Variants in CACNB3 observed in about 807,000 individuals in gnomAD.
The protein encoded by CACNB3 is voltage-dependent L-type calcium channel subunit beta-3.
In CACNB3, 36 loss-of-function variants were observed where a neutral mutation model predicts 63.7. The observed-to-expected ratio is 0.57, with a 90% CI of 0.43 to 0.75. The LOEUF (loss-of-function observed/expected upper bound fraction) is 0.75, where lower values mean the gene tolerates loss of function less well. Among genes scored for constraint, CACNB3 ranks in the 30% least tolerant of loss-of-function variants. The probability of loss-of-function intolerance (pLI) is 0.00; values close to 1 mark genes in which losing one functional copy is unlikely to be tolerated. For missense variants in CACNB3, 493 were observed against 648.6 expected (o/e 0.76, Z 2.61); for synonymous variants, 241 against 250.6 (o/e 0.96, Z 0.36).
intron 4 of CACNB3, 44 bp downstream of exon 4, chr12:48,824,417 G>T: frequency 2.0e-6 from 3 of 1,506,318 alleles, no homozygotes; most frequent in Non-Finnish European, 2.7e-6. Flanking sequence ...CCAAACACTT[G>T]CACTGTACCC....
Position 48,828,825 on chromosome 12 carries a change from G to C in CACNB3, c.*926G>C, listed in dbSNP as rs1045356. 4.4e-5 allele frequency: 20 copies of C among 454,228 alleles called. No individual in the cohort carries two copies. The East Asian group carries it at 1.4e-3, about 32-fold the overall frequency. The allele number at this position is 454,228 out of a possible 1,614,324, so 28.1% of individuals were successfully genotyped here. On this transcript the variant is annotated 3_prime_UTR_variant, in exon 13 of 13. Transcript: ENST00000301050. The stretch of plus-strand genomic sequence containing the variant: ...GTTAGATGGGGAGAGACAGGGCACA[G>C]AGGACCTGTCTCCCCGGCTACTCTT...
Position 48,826,921 on chromosome 12 carries a change from G to C in CACNB3, c.991-53G>C. Reference sequence around the variant, plus strand: ...GGCTGCGGCAGTGATAGAGATGGGTGGGGGGCTGCTACTGAGGGGAAACCA... The same window carrying C: ...GGCTGCGGCAGTGATAGAGATGGGTCGGGGGCTGCTACTGAGGGGAAACCA... On this transcript the variant is annotated intron_variant, in intron 11 of 12. Transcript: ENST00000301050. This position sits in a 1 kb window ranked among gnomAD's most constrained non-coding sequence, Gnocchi z 4.8. 1 of 1,612,672 alleles carries C rather than the reference G, an allele frequency of 6.2e-7. No individual in the cohort carries two copies. Among genetic ancestry groups the C allele is most frequent in the Non-Finnish European group, 8.5e-7 (1 of 1,179,016 alleles).
chr12:48,824,208 T>G, intron 3 of CACNB3, 50 bp from the exon 4 acceptor site: 1 of 1,456,584 alleles, frequency 6.9e-7, no homozygotes, highest in South Asian at 1.2e-5. Flanking sequence ...GAGCCAGGAC[T>G]GGGGCGGGGC....
chr12:48,826,352 T>C lies in CACNB3; in HGVS notation c.743-15T>C. ...CAGAGCTCCTGGTGAGCACTGCTGC[T>C]GCCTCCCTCCATAGCGGAAGTGCAG... On this transcript the variant is annotated splice_polypyrimidine_tract_variant and intron_variant, in intron 9 of 12. Coordinates refer to ENST00000301050, the MANE Select transcript of CACNB3 (RefSeq NM_000725.4). This position sits in a 1 kb window ranked among gnomAD's most constrained non-coding sequence, Gnocchi z 4.8. 1.2e-6 allele frequency: 2 copies of C among 1,613,984 alleles called. No individual in the cohort carries two copies. Among genetic ancestry groups the C allele is most frequent in the Non-Finnish European group, 1.7e-6 (2 of 1,179,890 alleles).
chr12:48,815,876 G>T (rs1355812228), upstream of CACNB3: 1 of 680,488 alleles, frequency 1.5e-6, no homozygotes, highest in Non-Finnish European at 2.6e-6. Flanking sequence ...GAGGCCAGGG[G>T]TGGAAGAGGC....
At position 48,818,720 on chromosome 12, in the gene CACNB3, G is replaced by C. The variant is rs570220027; in HGVS notation, c.-210G>C. On this transcript the variant is annotated 5_prime_UTR_variant, in exon 1 of 13. Coordinates refer to ENST00000301050, the MANE Select transcript of CACNB3 (RefSeq NM_000725.4). This position sits in a 1 kb window ranked among gnomAD's most constrained non-coding sequence, Gnocchi z 4.3. ...GCTCGGGGTGGGACCGGCTGGGTTT[G>C]GGGGGGTGGGGTGGGGGGAGCGGTG... The C allele has an allele frequency of 4.3e-4, 541 of 1,271,700 alleles. No homozygotes were observed. The Middle Eastern group carries it at 4.3e-3, about 10-fold the overall frequency. The allele number at this position is 1,271,700 out of a possible 1,614,324, so 78.8% of individuals were successfully genotyped here.
At chr12:48,819,726 G>A (rs746957044) in intron 1 of CACNB3, 2 of 449,462 alleles carry the variant, frequency 4.4e-6, no homozygotes, top group South Asian at 3.1e-5. Flanking sequence ...CTGAGGGCCT[G>A]GGGATGGAGA....
At chr12:48,815,687 ATG>A (rs376343122), upstream of CACNB3, 1,284 of 1,368,000 alleles carry the variant, frequency 9.4e-4, 9 homozygotes, top group African/African-American at 0.019. Context: ...AGCCTGGTCT[ATG>A]TCTTTTTCTG....
upstream of CACNB3, among the ~76,000 whole-genome samples, chr12:48,817,682 A>G (rs1171626093): frequency 1.3e-5 from 2 of 152,148 alleles, no homozygotes; most frequent in Non-Finnish European, 2.9e-5. Context: ...GAGTGGTACA[A>G]GCCCTTCTGC....
chr12:48,814,818 C>A, upstream of CACNB3: 1 of 381,048 alleles, frequency 2.6e-6, no homozygotes, highest in South Asian at 1.0e-4. This position sits in a 1 kb window ranked among gnomAD's most constrained non-coding sequence, Gnocchi z 6.9. Context: ...CAGGCGGTGC[C>A]GCCACCTGGA....
Position 48,823,549 on chromosome 12 carries a change from G to A in CACNB3, c.168+83G>A, listed in dbSNP as rs1185324720. ...CGGTCCTAAGTCCCAAGGGGTCCTT[G>A]GGCAGGATGTCCTTGAGTGTGAGAG... On this transcript the variant is annotated intron_variant, in intron 2 of 12. Coordinates refer to ENST00000301050, the MANE Select transcript of CACNB3 (RefSeq NM_000725.4). The surrounding 1 kb of genome is among the most constrained non-coding windows in gnomAD (Gnocchi z 4.2). 2.5e-6 allele frequency: 4 copies of A among 1,595,000 alleles called. No individual in the cohort carries two copies. The highest frequency in any genetic ancestry group is 8.5e-7 in the Non-Finnish European group (1 of 1,169,824).
In CACNB3 at chr12:48,825,374, T is replaced by C. The variant is rs527666543; in HGVS notation, c.574-60T>C. The C allele has an allele frequency of 8.5e-5, 136 of 1,598,662 alleles. No individual in the cohort carries two copies. The East Asian group carries it at 2.3e-3, about 27-fold the overall frequency. ...GTGGAGCGCATTGACTCTGGGGCCATGCATGGGGAGGCTGCTTCTCTCCAA... is the reference window on the plus strand; with the variant it reads ...GTGGAGCGCATTGACTCTGGGGCCACGCATGGGGAGGCTGCTTCTCTCCAA... On this transcript the variant is annotated intron_variant, in intron 7 of 12. Coordinates refer to ENST00000301050, the MANE Select transcript of CACNB3 (RefSeq NM_000725.4). This position sits in a 1 kb window ranked among gnomAD's most constrained non-coding sequence, Gnocchi z 4.5.
chr12:48,824,989 G>C, intron 6 of CACNB3, 21 bp downstream of exon 6: 1 of 1,609,012 alleles, frequency 6.2e-7, no homozygotes, highest in Non-Finnish European at 8.5e-7. Context: ...GAAGGGACCT[G>C]GGCTGGGGGG....
At position 48,826,906 on chromosome 12, in the gene CACNB3, G is replaced by C; in HGVS notation, c.990+52G>C. On this transcript the variant is annotated intron_variant, in intron 11 of 12. Transcript: ENST00000301050. The surrounding 1 kb of genome is among the most constrained non-coding windows in gnomAD (Gnocchi z 4.8). The stretch of plus-strand genomic sequence containing the variant: ...TGCCCACTCCCCCAGGGCTGCGGCA[G>C]TGATAGAGATGGGTGGGGGGCTGCT... 6.2e-7 allele frequency: 1 copy of C among 1,613,140 alleles called. No individual in the cohort carries two copies. Among genetic ancestry groups the C allele is most frequent in the East Asian group, 2.2e-5 (1 of 44,872 alleles).
In CACNB3 at chr12:48,828,400, ACAAT is replaced by A. The variant is rs766812342; in HGVS notation, c.*505_*508del. ...CTCACTGCCATACATTAGAAATGAG[ACAAT>A]CAAAGCCCCCCCAGGGTGGCACACC... On this transcript the variant is annotated 3_prime_UTR_variant, in exon 13 of 13. Transcript: ENST00000301050. 3.7e-4 allele frequency: 122 copies of A among 329,556 alleles called. No individual in the cohort carries two copies. The highest frequency in any genetic ancestry group is 1.1e-3 in the Middle Eastern group (1 of 904). 20.4% of individuals were successfully genotyped at this position (329,556 alleles called of 1,614,324 possible). A position where few individuals can be genotyped will look rare whatever the true frequency, so the allele number is the denominator to read the frequency against.
Position 48,825,350 on chromosome 12 carries a change from T to C in CACNB3, c.574-84T>C. On this transcript the variant is annotated intron_variant, in intron 7 of 12. Transcript: ENST00000301050. This position sits in a 1 kb window ranked among gnomAD's most constrained non-coding sequence, Gnocchi z 4.5. ...GTCTCCTCCGTCCAGGGTGTGTATG[T>C]GGAGCGCATTGACTCTGGGGCCATG... 6.4e-7 allele frequency: 1 copy of C among 1,568,874 alleles called. No homozygotes were observed. Among genetic ancestry groups the C allele is most frequent in the East Asian group, 2.2e-5 (1 of 44,598 alleles).
In CACNB3 at chr12:48,825,405, C is replaced by G; in HGVS notation, c.574-29C>G. The G allele has an allele frequency of 8.7e-6, 14 of 1,613,222 alleles. No individual in the cohort carries two copies. The highest frequency in any genetic ancestry group is 1.2e-5 in the Non-Finnish European group (14 of 1,179,152). On this transcript the variant is annotated intron_variant, in intron 7 of 12. Coordinates refer to ENST00000301050, the MANE Select transcript of CACNB3 (RefSeq NM_000725.4). This position sits in a 1 kb window ranked among gnomAD's most constrained non-coding sequence, Gnocchi z 4.5. ...GGGAGGCTGCTTCTCTCCAAAGGGG[C>G]CCTTCATCAGTGCCATGCCTTCCCC... is the stretch of plus-strand genomic sequence containing the variant.
chr12:48,825,130 A>G lies in CACNB3; in HGVS notation c.493-33A>G, dbSNP rs1352354376. On this transcript the variant is annotated intron_variant, in intron 6 of 12. Coordinates refer to ENST00000301050, the MANE Select transcript of CACNB3 (RefSeq NM_000725.4). The surrounding 1 kb of genome is among the most constrained non-coding windows in gnomAD (Gnocchi z 4.5). Reference sequence around the variant, plus strand: ...CAGGCATGAGACAGGCACCAGGGCCATGGTTTCTACTGACCTCATGTCCAT... The same window carrying G: ...CAGGCATGAGACAGGCACCAGGGCCGTGGTTTCTACTGACCTCATGTCCAT... 1.2e-6 allele frequency: 2 copies of G among 1,610,886 alleles called. No individual in the cohort carries two copies. The highest frequency in any genetic ancestry group is 2.2e-5 in the East Asian group (1 of 44,828).
rs191174951 is a variant in CACNB3, at chr12:48,827,626, C to A, written c.1182C>A (p.Pro394=). ...GGGAGCGTGGCGAGGAGCACTCCCC[C>A]CTTGAGCGGGACAGCTTGATGCCCT... ...LLGERGEEHS[P]LERDSLMPSD... is the part of the protein sequence containing the mutation. The change falls in exon 13 of 13, where the codon CCC becomes CCA. Residue 394 remains proline (P), a synonymous_variant. Transcript: ENST00000301050. 118 of 1,613,658 alleles carry A rather than the reference C, an allele frequency of 7.3e-5. 2 individuals are homozygous for A. The East Asian group carries it at 2.1e-3, about 28-fold the overall frequency.
Sources: gnomAD v4.1 joint callset for allele counts (sites outside exome capture counted in the v4.1 genomes callset) on GRCh38, gnomAD v4.1.1 for gene constraint, Gnocchi (gnomAD v3.1) non-coding constraint, MANE v1.5 for transcripts, NCBI Gene and HGNC (gene_info 2026-07-23, HGNC 2026-07-21) for gene names.